Variants in YES1 observed in about 807,000 individuals in gnomAD.
YES1 encodes tyrosine-protein kinase Yes.
YES1 carries 39 observed loss-of-function variants against 70.4 expected under a neutral mutation model. The observed-to-expected ratio is 0.55, with a 90% CI of 0.43 to 0.72. YES1 has a LOEUF of 0.72. YES1 is among the 30% of genes least tolerant of loss of function. YES1 has a pLI of 0.00. For missense variants in YES1, 495 were observed against 644.8 expected (o/e 0.77, Z 2.52); for synonymous variants, 198 against 218.6 (o/e 0.91, Z 0.83).
intron 10 of YES1, among the ~76,000 whole-genome samples, chr18:734,071 G>A (rs1045503356): frequency 6.6e-6 from 1 of 152,002 alleles, no homozygotes; most frequent in Non-Finnish European, 1.5e-5. Context: ...CTAAGGTCAG[G>A]AGTTCAAGAC....
intron 1 of YES1, among the ~76,000 whole-genome samples, chr18:778,303 T>A (rs922061001): frequency 2.6e-5 from 4 of 152,216 alleles, no homozygotes; most frequent in African/African-American, 9.6e-5. Context: ...TGGTAAGTTA[T>A]TAAATATTAG....
chr18:749,413 G>A (rs141550462), intron 3 of YES1, among the ~76,000 whole-genome samples: 3 of 152,080 alleles, frequency 2.0e-5, no homozygotes, highest in Non-Finnish European at 4.4e-5. Flanking sequence ...CAGGAGAATC[G>A]CTTGAACCTG....
At chr18:810,102 T>C (rs1255949776) in intron 1 of YES1, among the ~76,000 whole-genome samples, 3 of 152,142 alleles carry the variant, frequency 2.0e-5, no homozygotes, top group Non-Finnish European at 4.4e-5. Context: ...TTTCTTACTA[T>C]AATGCTAATA....
At chr18:812,385 T>A (rs559260714), upstream of YES1, 1 of 145,978 alleles carries the variant, frequency 6.9e-6, no homozygotes, top group Admixed American at 6.8e-5. Flanking sequence ...TGCGGGTACC[T>A]GCGCGCGCCG....
chr18:729,684 C>T (rs370471312), intron 11 of YES1, among the ~76,000 whole-genome samples: 179 of 134,520 alleles, frequency 1.3e-3, no homozygotes, highest in South Asian at 7.9e-3. Context: ...CAGAGTGCAG[C>T]GGCGCAATCT....
chr18:766,882 T>G (rs1483199819), intron 1 of YES1, among the ~76,000 whole-genome samples: 1 of 152,244 alleles, frequency 6.6e-6, no homozygotes, highest in African/African-American at 2.4e-5. Context: ...CTCTGTCAGA[T>G]GTTTATACTA....
At chr18:793,425 C>A (rs1906377052) in intron 1 of YES1, among the ~76,000 whole-genome samples, 1 of 152,182 alleles carries the variant, frequency 6.6e-6, no homozygotes, top group Non-Finnish European at 1.5e-5. Flanking sequence ...CAGCTTCGAA[C>A]TCCTGGTCTG....
At chr18:774,941 G>C (rs1282535106) in intron 1 of YES1, 1 of 152,326 alleles carries the variant, frequency 6.6e-6, no homozygotes, top group African/African-American at 2.4e-5. Flanking sequence ...TGGCCTTCCT[G>C]CTCTCCTTCA....
chr18:770,161 T>C (rs970806244), intron 1 of YES1, among the ~76,000 whole-genome samples: 2 of 152,128 alleles, frequency 1.3e-5, no homozygotes, highest in Admixed American at 6.5e-5. Flanking sequence ...GGTTTCACCA[T>C]GTTAGCCAGG....
At chr18:743,769 G>A (rs1007153042) in intron 6 of YES1, among the ~76,000 whole-genome samples, 11 of 151,836 alleles carry the variant, frequency 7.2e-5, no homozygotes, top group Admixed American at 2.6e-4. Flanking sequence ...AGCCGGGCAT[G>A]GTGGTGCATG....
At chr18:756,072 ACTGT>A (rs1045822336) in intron 2 of YES1, among the ~76,000 whole-genome samples, 7 of 152,246 alleles carry the variant, frequency 4.6e-5, no homozygotes, top group Admixed American at 1.3e-4. Context: ...AAAATTTTAA[ACTGT>A]CTGAGCTTTA....
intron 1 of YES1, among the ~76,000 whole-genome samples, chr18:786,493 C>CCACACACA (rs1555690469): frequency 1.6e-5 from 1 of 61,156 alleles, no homozygotes. Context: ...ATTAATAAGT[C>CCACACACA]CATACACACA....
At chr18:755,984 T>C (rs1213652475) in intron 2 of YES1, among the ~76,000 whole-genome samples, 4 of 152,226 alleles carry the variant, frequency 2.6e-5, no homozygotes, top group Non-Finnish European at 5.9e-5. Flanking sequence ...TCTAAAAGGA[T>C]ATAATAATGT....
intron 3 of YES1, among the ~76,000 whole-genome samples, 191 bp downstream of exon 3, chr18:751,514 T>C (rs556931457): frequency 4.6e-5 from 7 of 152,318 alleles, no homozygotes; most frequent in African/African-American, 2.4e-5. Flanking sequence ...GCACAAATTG[T>C]AGAAGTAATA....
intron 1 of YES1, among the ~76,000 whole-genome samples, chr18:808,485 C>A (rs1388534764): frequency 6.6e-6 from 1 of 152,184 alleles, no homozygotes; most frequent in African/African-American, 2.4e-5. Flanking sequence ...CAGATTATTT[C>A]CTTTAAAGAA....
At chr18:781,122 A>T (rs1398843023) in intron 1 of YES1, among the ~76,000 whole-genome samples, 1 of 152,042 alleles carries the variant, frequency 6.6e-6, no homozygotes, top group Non-Finnish European at 1.5e-5. Context: ...ACAAAAAATT[A>T]ACTGGGAGTG....
At chr18:765,267 T>C (rs1181219152) in intron 1 of YES1, among the ~76,000 whole-genome samples, 2 of 68,994 alleles carry the variant, frequency 2.9e-5, no homozygotes, top group Non-Finnish European at 5.8e-5. Flanking sequence ...TATATATATA[T>C]ATATATATAT....
intron 1 of YES1, among the ~76,000 whole-genome samples, chr18:811,127 G>A (rs1907355057): frequency 6.6e-6 from 1 of 152,146 alleles, no homozygotes; most frequent in African/African-American, 2.4e-5. Context: ...TATAATACAT[G>A]AAGATACTAT....
At chr18:740,285 C>T (rs2080202372) in intron 8 of YES1, among the ~76,000 whole-genome samples, 1 of 152,120 alleles carries the variant, frequency 6.6e-6, no homozygotes, top group African/African-American at 2.4e-5. Flanking sequence ...AAGAAAAAGG[C>T]TAGAAGTCTG....
Sources: gnomAD v4.1 joint callset for allele counts (sites outside exome capture counted in the v4.1 genomes callset) on GRCh38, gnomAD v4.1.1 for gene constraint, MANE v1.5 for transcripts, NCBI Gene and HGNC (gene_info 2026-07-23, HGNC 2026-07-21) for gene names.